Variants in CTNND2 observed in about 807,000 individuals in gnomAD.
CTNND2 encodes the protein catenin delta-2.
In CTNND2, 22 loss-of-function variants were observed where a neutral mutation model predicts 144.4. The ratio of observed to expected loss-of-function variants is 0.15; its 90% confidence interval spans 0.11 to 0.22. CTNND2 has a LOEUF of 0.22. Ranked by LOEUF, CTNND2 falls within the 10% of genes least tolerant of loss-of-function variation. The pLI is 1.00. For missense variants in CTNND2, 1,353 were observed against 1,618.8 expected (o/e 0.84, Z 2.82); for synonymous variants, 751 against 695.6 (o/e 1.08, Z -1.25).
intron 2 of CTNND2, among the ~76,000 whole-genome samples, chr5:11,682,237 T>G (rs868439683): frequency 3.3e-5 from 5 of 152,232 alleles, no homozygotes; most frequent in Non-Finnish European, 7.3e-5. Flanking sequence ...TGAAAGTTAT[T>G]CTCTGTGCCT....
At chr5:11,064,421 C>T (rs10076069) in intron 16 of CTNND2, among the ~76,000 whole-genome samples, 1 of 152,022 alleles carries the variant, frequency 6.6e-6, no homozygotes, top group African/African-American at 2.4e-5. Context: ...ACTTCATAAC[C>T]AATCAGAGGC....
chr5:11,811,662 T>C (rs1440550666), intron 1 of CTNND2, among the ~76,000 whole-genome samples: 6 of 152,116 alleles, frequency 3.9e-5, no homozygotes, highest in Non-Finnish European at 8.8e-5. Context: ...TTCTGATCTA[T>C]TTTCATTTTG....
chr5:11,301,313 G>A (rs568856726), intron 9 of CTNND2, among the ~76,000 whole-genome samples: 12 of 152,150 alleles, frequency 7.9e-5, no homozygotes, highest in South Asian at 2.1e-4. Flanking sequence ...CACCGCGCCC[G>A]GCCCCCATCT....
At chr5:11,487,307 A>G (rs1768923842) in intron 3 of CTNND2, among the ~76,000 whole-genome samples, 1 of 152,242 alleles carries the variant, frequency 6.6e-6, no homozygotes, top group African/African-American at 2.4e-5. Context: ...ACACAGCGAC[A>G]CAAAGTGGTT....
At chr5:11,590,452 A>T (rs1779162597) in intron 2 of CTNND2, among the ~76,000 whole-genome samples, 1 of 152,056 alleles carries the variant, frequency 6.6e-6, no homozygotes, top group Non-Finnish European at 1.5e-5. Context: ...CATCAAATCC[A>T]TTCTCCTTTT....
intron 12 of CTNND2, among the ~76,000 whole-genome samples, chr5:11,135,698 T>A (rs1392322264): frequency 1.3e-5 from 2 of 152,246 alleles, no homozygotes; most frequent in African/African-American, 4.8e-5. Context: ...TTAGGATCGC[T>A]GAAGTCTCTG....
intron 2 of CTNND2, among the ~76,000 whole-genome samples, chr5:11,686,272 A>G (rs1784641275): frequency 6.6e-6 from 1 of 152,084 alleles, no homozygotes; most frequent in Admixed American, 6.6e-5. Context: ...TGCACTTTGG[A>G]AAATTCTATA....
At chr5:11,369,644 T>C (rs1000418295) in intron 7 of CTNND2, among the ~76,000 whole-genome samples, 13 of 152,218 alleles carry the variant, frequency 8.5e-5, no homozygotes, top group African/African-American at 2.7e-4. Flanking sequence ...GATGTCCTAG[T>C]GCTCAAAACA....
chr5:11,461,117 C>T (rs577480694), intron 3 of CTNND2, among the ~76,000 whole-genome samples: 1 of 151,324 alleles, frequency 6.6e-6, no homozygotes, highest in South Asian at 2.1e-4. Flanking sequence ...TCTTTATTTT[C>T]TTTCTCCCCT....
intron 9 of CTNND2, among the ~76,000 whole-genome samples, chr5:11,305,416 T>C (rs1750088156): frequency 6.6e-6 from 1 of 152,192 alleles, no homozygotes; most frequent in Non-Finnish European, 1.5e-5. Context: ...TTCAGGCCAA[T>C]ACTGGATTAG....
At position 11,748,014 on chromosome 5, in the gene CTNND2, T is replaced by C. The variant is rs1415891335; in HGVS notation, c.38-15742A>G. Among the ~76,000 whole-genome samples the C allele has an allele frequency of 3.9e-5, 6 of 152,074 alleles. No individual in the cohort carries two copies. The East Asian group carries it at 1.2e-3, about 29-fold the overall frequency. On this transcript the variant is annotated intron_variant, in intron 1 of 21. Coordinates refer to ENST00000304623, the MANE Select transcript of CTNND2 (RefSeq NM_001332.4). Reference sequence around the variant, plus strand: ...TCAATGGGCAGTCAAGCACAAAAAATCTCACTCTGCAAACAGATATCTGCA... The same window carrying C: ...TCAATGGGCAGTCAAGCACAAAAAACCTCACTCTGCAAACAGATATCTGCA...
chr5:11,285,807 G>C (rs1243778034), intron 9 of CTNND2, among the ~76,000 whole-genome samples: 1 of 74,610 alleles, frequency 1.3e-5, no homozygotes, highest in African/African-American at 5.2e-5. Context: ...CTAAGGAGGT[G>C]GTTGAGAGTT....
chr5:11,182,489 A>G (rs917640746), intron 11 of CTNND2, among the ~76,000 whole-genome samples: 13 of 151,976 alleles, frequency 8.6e-5, no homozygotes, highest in African/African-American at 3.1e-4. Flanking sequence ...CCTCAACTTC[A>G]ACCTCTCTCT....
chr5:11,174,098 C>T (rs1166971339), intron 11 of CTNND2, among the ~76,000 whole-genome samples: 1 of 152,150 alleles, frequency 6.6e-6, no homozygotes, highest in Non-Finnish European at 1.5e-5. Flanking sequence ...TGGAGACGTT[C>T]TGGCCTTGAG....
chr5:11,662,084 T>C (rs1440009743), intron 2 of CTNND2, among the ~76,000 whole-genome samples: 2 of 149,812 alleles, frequency 1.3e-5, no homozygotes, highest in African/African-American at 4.9e-5. Flanking sequence ...ACATAGTTCA[T>C]ATATACATAT....
intron 3 of CTNND2, among the ~76,000 whole-genome samples, chr5:11,525,501 A>G (rs1248735190): frequency 6.6e-6 from 1 of 152,250 alleles, no homozygotes; most frequent in Non-Finnish European, 1.5e-5. Context: ...AAATAAGGAT[A>G]CATAACATTC....
At chr5:11,825,879 C>T (rs562647966) in intron 1 of CTNND2, among the ~76,000 whole-genome samples, 2 of 151,864 alleles carry the variant, frequency 1.3e-5, no homozygotes, top group Non-Finnish European at 2.9e-5. Flanking sequence ...GAATTCTATA[C>T]CTAGTGGAAA....
intron 16 of CTNND2, among the ~76,000 whole-genome samples, chr5:11,080,317 G>A (rs1431456880): frequency 6.6e-6 from 1 of 152,188 alleles, no homozygotes; most frequent in Non-Finnish European, 1.5e-5. Flanking sequence ...AAAAACCAGT[G>A]TTGGTGAGGA....
At chr5:11,077,263 C>A (rs1749044091) in intron 16 of CTNND2, among the ~76,000 whole-genome samples, 1 of 152,018 alleles carries the variant, frequency 6.6e-6, no homozygotes, top group Admixed American at 6.6e-5. Context: ...GGAAATAAAA[C>A]AAGATGAATA....
Sources: gnomAD v4.1 joint callset for allele counts (sites outside exome capture counted in the v4.1 genomes callset) on GRCh38, gnomAD v4.1.1 for gene constraint, MANE v1.5 for transcripts, NCBI Gene and HGNC (gene_info 2026-07-23, HGNC 2026-07-21) for gene names.